The following MED12L variants were observed in gnomAD, a reference collection of about 807,000 sequenced individuals.
MED12L encodes mediator of RNA polymerase II transcription subunit 12-like protein.
A neutral mutation model predicts 281.3 loss-of-function variants in MED12L; 60 were observed. The observed-to-expected ratio is 0.21, with a 90% CI of 0.17 to 0.26. MED12L has a LOEUF of 0.26. Among genes scored for constraint, MED12L ranks in the 10% least tolerant of loss-of-function variants. MED12L has a pLI of 1.00. For missense variants in MED12L, 2,146 were observed against 2,680.9 expected, an observed-to-expected ratio of 0.80 and a Z score of 4.41; for synonymous variants, 974 against 987.2, an observed-to-expected ratio of 0.99 and a Z score of 0.25.
At chr3:151,287,525 C>T (rs890742485) in intron 16 of MED12L, among the ~76,000 whole-genome samples, 16 of 152,250 alleles carry the variant, frequency 1.1e-4, no homozygotes, top group African/African-American at 2.6e-4. Context: ...CAAGGGTAAG[C>T]GGCCTCCTTG....
At chr3:151,129,205 T>G (rs1714979140) in intron 5 of MED12L, among the ~76,000 whole-genome samples, 2 of 151,918 alleles carry the variant, frequency 1.3e-5, no homozygotes, top group Admixed American at 1.3e-4. Flanking sequence ...GATAAATGAG[T>G]TGGGGTATAA....
chr3:151,089,813 A>C (rs968008858), intron 2 of MED12L, among the ~76,000 whole-genome samples: 1 of 152,176 alleles, frequency 6.6e-6, no homozygotes, highest in African/African-American at 2.4e-5. Context: ...TCCTACAAAC[A>C]GACTGTGCTC....
chr3:151,250,530 G>C (rs1736643871), intron 16 of MED12L, among the ~76,000 whole-genome samples: 1 of 152,152 alleles, frequency 6.6e-6, no homozygotes, highest in Non-Finnish European at 1.5e-5. Flanking sequence ...TACAGTATTT[G>C]TCCTTTTTTG....
chr3:151,372,835 T>TA, intron 27 of MED12L, 69 bp downstream of exon 27: 1 of 1,266,352 alleles, frequency 7.9e-7, no homozygotes, highest in East Asian at 2.4e-5. Context: ...TACTTACACT[T>TA]ATAGGAAACT....
intron 16 of MED12L, among the ~76,000 whole-genome samples, chr3:151,330,851 A>C (rs1750270971): frequency 6.6e-6 from 1 of 152,218 alleles, no homozygotes; most frequent in African/African-American, 2.4e-5. Context: ...TGTATGTCTT[A>C]AACATAAATG....
chr3:151,334,476 C>T (rs959905814), intron 16 of MED12L, among the ~76,000 whole-genome samples: 1 of 151,118 alleles, frequency 6.6e-6, no homozygotes, highest in African/African-American at 2.4e-5. Flanking sequence ...AGTACTGGTC[C>T]AGGGGGAAGC....
intron 7 of MED12L, among the ~76,000 whole-genome samples, chr3:151,159,159 A>G (rs1719674152): frequency 6.6e-6 from 1 of 152,238 alleles, no homozygotes; most frequent in Non-Finnish European, 1.5e-5. Context: ...GGGATCTTCT[A>G]CATTCTTTTG....
chr3:151,330,438 C>A (rs190298550), intron 16 of MED12L, among the ~76,000 whole-genome samples: 1 of 152,194 alleles, frequency 6.6e-6, no homozygotes, highest in East Asian at 1.9e-4. Flanking sequence ...TGCTTTAATT[C>A]TCTTCAAGTT....
intron 30 of MED12L, among the ~76,000 whole-genome samples, chr3:151,377,493 T>C (rs539781706): frequency 6.6e-6 from 1 of 152,318 alleles, no homozygotes; most frequent in East Asian, 1.9e-4. Flanking sequence ...TTTTTATTAA[T>C]TAATTATTTT....
chr3:151,188,291 A>C, intron 12 of MED12L, 63 bp from the exon 13 acceptor site: 2 of 1,338,234 alleles, frequency 1.5e-6, no homozygotes. Flanking sequence ...AAAATTAACA[A>C]ATTCATGATC....
In MED12L at chr3:151,192,721, A is replaced by C. The variant is rs1022533365; in HGVS notation, c.2073+67A>C. On this transcript the variant is annotated intron_variant, in intron 15 of 44. Coordinates refer to ENST00000687756, the MANE Select transcript of MED12L (RefSeq NM_001393769.1). ...CCCGTTCCCATCCCAGCCTGTCTCG[A>C]TCCTTCTGTGTTCTCAGAATGACTT... is the stretch of plus-strand genomic sequence containing the variant. The C allele has an allele frequency of 2.4e-5, 23 of 971,126 alleles. No homozygotes were observed. The African/African-American group carries it at 3.2e-4, about 14-fold the overall frequency. The allele number at this position is 971,126 out of a possible 1,614,324, so 60.2% of individuals were successfully genotyped here.
chr3:151,394,392 G>T (rs1052473819), intron 38 of MED12L, among the ~76,000 whole-genome samples: 1 of 152,188 alleles, frequency 6.6e-6, no homozygotes, highest in South Asian at 2.1e-4. Flanking sequence ...GCCAACAACT[G>T]TATGTTTTAC....
At chr3:151,352,305 G>A (rs904724505) in intron 17 of MED12L, among the ~76,000 whole-genome samples, 1 of 152,148 alleles carries the variant, frequency 6.6e-6, no homozygotes, top group Non-Finnish European at 1.5e-5. Flanking sequence ...TGGATTCTCA[G>A]AATAGGGATC....
intron 8 of MED12L, among the ~76,000 whole-genome samples, chr3:151,163,005 G>A (rs1361331801): frequency 1.3e-5 from 2 of 152,160 alleles, no homozygotes; most frequent in Non-Finnish European, 2.9e-5. Context: ...AGTGTAATTA[G>A]CTTAATTAAA....
At chr3:151,332,960 A>C (rs4680355) in intron 16 of MED12L, among the ~76,000 whole-genome samples, 1 of 151,340 alleles carries the variant, frequency 6.6e-6, no homozygotes, top group Non-Finnish European at 1.5e-5. Flanking sequence ...TATGAATTCA[A>C]TGTTTAGCTC....
chr3:151,281,085 G>A (rs903704947), intron 16 of MED12L, among the ~76,000 whole-genome samples: 12 of 151,804 alleles, frequency 7.9e-5, no homozygotes, highest in Admixed American at 4.6e-4. Flanking sequence ...ATCTTCATAT[G>A]TTTTTGAAAT....
At chr3:151,096,866 C>T (rs1021756639) in intron 2 of MED12L, among the ~76,000 whole-genome samples, 1 of 152,218 alleles carries the variant, frequency 6.6e-6, no homozygotes, top group African/African-American at 2.4e-5. Context: ...GGTAAACACC[C>T]TCACGTTGCC....
At chr3:151,356,609 T>G (rs140497317) in intron 19 of MED12L, among the ~76,000 whole-genome samples, 2 of 152,258 alleles carry the variant, frequency 1.3e-5, no homozygotes, top group East Asian at 3.8e-4. Flanking sequence ...GTGAGAGTTT[T>G]GAGTGTTTCT....
chr3:151,407,547 G>A (rs531069054), intron 39 of MED12L, among the ~76,000 whole-genome samples: 6 of 152,328 alleles, frequency 3.9e-5, no homozygotes, highest in African/African-American at 1.4e-4. Flanking sequence ...CCTTGGCATA[G>A]TGTTTGGAGG....
Sources: gnomAD v4.1 joint callset for allele counts (sites outside exome capture counted in the v4.1 genomes callset) on GRCh38, gnomAD v4.1.1 for gene constraint, MANE v1.5 for transcripts, NCBI Gene and HGNC (gene_info 2026-07-23, HGNC 2026-07-21) for gene names.